CD46: variants seen among roughly 807,000 people sequenced by gnomAD.
CD46 encodes the protein membrane cofactor protein.
A neutral mutation model predicts 53.3 loss-of-function variants in CD46; 30 were observed. The observed-to-expected ratio is 0.56, with a 90% CI of 0.42 to 0.76. CD46 has a LOEUF of 0.76. CD46 is among the 30% of genes least tolerant of loss of function. CD46 has a pLI of 0.00. For missense variants in CD46, 409 were observed against 463.0 expected (o/e 0.88, Z 1.07); for synonymous variants, 142 against 152.0 (o/e 0.93, Z 0.48).
chr1:207,777,329 A>T (rs564550671), intron 8 of CD46, among the ~76,000 whole-genome samples: 132 of 152,316 alleles, frequency 8.7e-4, no homozygotes, highest in Admixed American at 2.4e-3. Flanking sequence ...GTACATCAAC[A>T]TCTTTTTTTA....
At chr1:207,759,892 A>AATAATTATT in intron 4 of CD46, 168 bp downstream of exon 4, 1 of 567,710 alleles carries the variant, frequency 1.8e-6, no homozygotes, top group Non-Finnish European at 3.2e-6. Flanking sequence ...GAGGTTTTTA[A>AATAATTATT]ATAATTATTG....
At chr1:207,773,114 G>T (rs1157140723) in intron 8 of CD46, among the ~76,000 whole-genome samples, 1 of 152,066 alleles carries the variant, frequency 6.6e-6, no homozygotes, top group African/African-American at 2.4e-5. Flanking sequence ...AACCTTTCCT[G>T]GTTTAGTCTT....
chr1:207,754,219 G>A (rs148816922), intron 1 of CD46, among the ~76,000 whole-genome samples: 84 of 152,280 alleles, frequency 5.5e-4, no homozygotes, highest in African/African-American at 2.0e-3. Context: ...TGGAGAGAGG[G>A]AAGGCTTCTC....
chr1:207,778,084 T>C lies in CD46; in HGVS notation c.944-5208T>C, dbSNP rs574197425. 5.9e-5 allele frequency among the ~76,000 whole-genome samples: 9 copies of C among 152,326 alleles called. No individual in the cohort carries two copies. In the South Asian group the frequency reaches 1.7e-3, roughly 28 times the overall value. On this transcript the variant is annotated intron_variant, in intron 8 of 12. Transcript: ENST00000367042. ...TGTATGTTTTTTGGCCACATATATG[T>C]CTTCTTTTGAAAAGTGTCTGTTCAC...
In CD46 at chr1:207,789,754, C is replaced by T. The variant is rs41317995; in HGVS notation, c.1083-499C>T. On this transcript the variant is annotated intron_variant, in intron 11 of 12. Coordinates refer to ENST00000367042, the MANE Select transcript of CD46 (RefSeq NM_172351.3). ...TCCCTCAAAATTGAGGGTGTTAGGC[C>T]GGGTTTGGTGGCTCACGCCTGTAAT... is the stretch of plus-strand genomic sequence containing the variant. 2.3e-3 allele frequency among the ~76,000 whole-genome samples: 341 copies of T among 149,966 alleles called. 3 individuals carry two copies. Among genetic ancestry groups the T allele is most frequent in the African/African-American group, 7.7e-3 (315 of 40,742 alleles).
At chr1:207,775,627 A>AG (rs757074191) in intron 8 of CD46, among the ~76,000 whole-genome samples, 13 of 152,126 alleles carry the variant, frequency 8.5e-5, no homozygotes, top group Non-Finnish European at 1.8e-4. Context: ...CCTCAGCTGC[A>AG]GGTGTGTTGG....
chr1:207,782,697 G>C (rs959500356), intron 8 of CD46, among the ~76,000 whole-genome samples: 56 of 135,178 alleles, frequency 4.1e-4, no homozygotes, highest in Non-Finnish European at 7.2e-4. Context: ...TGCCAGACTG[G>C]AGTGCAGTGG....
intron 12 of CD46, among the ~76,000 whole-genome samples, chr1:207,792,351 T>A (rs1470461895): frequency 6.6e-6 from 1 of 152,180 alleles, no homozygotes; most frequent in Non-Finnish European, 1.5e-5. Flanking sequence ...GCCAAACCAT[T>A]AAGTCTGTCA....
At chr1:207,772,247 A>G (rs1657594497) in intron 8 of CD46, among the ~76,000 whole-genome samples, 1 of 152,108 alleles carries the variant, frequency 6.6e-6, no homozygotes, top group South Asian at 2.1e-4. Context: ...TTGCACATTG[A>G]TTTTGTATCC....
chr1:207,777,035 T>C (rs1414849180), intron 8 of CD46, among the ~76,000 whole-genome samples: 1 of 152,166 alleles, frequency 6.6e-6, no homozygotes, highest in Non-Finnish European at 1.5e-5. Flanking sequence ...TTCTAAAATA[T>C]TTTTCTTAGT....
Position 207,759,721 on chromosome 1 carries a change from G to A in CD46, c.472G>A (p.Glu158Lys). 1 of 1,590,992 alleles carries A rather than the reference G, an allele frequency of 6.3e-7. No homozygotes were observed. Residue 158 changes from glutamate (E) to lysine (K), a missense_variant, in exon 4 of 13, where the codon GAA becomes AAA. Physicochemically the swap from Glu to Lys is moderately conservative, Grantham distance 56. Coordinates refer to ENST00000367042, the MANE Select transcript of CD46 (RefSeq NM_172351.3). ...AIWSGKPPIC[E>K]KVLCTPPPKI... ...TTGGAGCGGTAAGCCCCCAATATGT[G>A]AAAGTAAGTAAATTCTTTTTTTTTA...
rs7144 is a variant in CD46, at chr1:207,794,374, T to C, written c.*897T>C. On this transcript the variant is annotated 3_prime_UTR_variant, in exon 13 of 13. Transcript: ENST00000367042. ...TGCGAAGTGAACACTGTAGTCTTGT[T>C]GTTTTCCCAAAGAGAACTCCGTATG... 0.4 allele frequency: 60,576 copies of C among 152,018 alleles called. 12,400 individuals carry two copies. Among genetic ancestry groups the C allele is most frequent in the Admixed American group, 0.49 (7,438 of 15,276 alleles). The allele number at this position is 152,018 out of a possible 1,614,324, so 9.4% of individuals were successfully genotyped here. A position where few individuals can be genotyped will look rare whatever the true frequency, so the allele number is the denominator to read the frequency against.
chr1:207,788,409 TC>T (rs1353429866), intron 11 of CD46, among the ~76,000 whole-genome samples: 1 of 148,966 alleles, frequency 6.7e-6, no homozygotes, highest in African/African-American at 2.5e-5. Flanking sequence ...TCCCAGCTAC[TC>T]TGGGAGGCTG....
intron 1 of CD46, among the ~76,000 whole-genome samples, chr1:207,753,505 A>T (rs1655155332): frequency 6.6e-6 from 1 of 152,284 alleles, no homozygotes; most frequent in African/African-American, 2.4e-5. Flanking sequence ...CCTTGTCTCT[A>T]CAAAAAAATA....
At chr1:207,792,507 C>G (rs41318007) in intron 12 of CD46, among the ~76,000 whole-genome samples, 1,592 of 152,242 alleles carry the variant, frequency 0.01, 16 homozygotes, top group Middle Eastern at 0.027. Flanking sequence ...CAGACCCTGG[C>G]GATGACCTTG....
chr1:207,794,834 ACT>A lies in CD46; in HGVS notation c.*1358_*1359del, dbSNP rs1491416223. The A allele has an allele frequency of 6.6e-6, 1 of 152,214 alleles. No homozygotes were observed. Among genetic ancestry groups the A allele is most frequent in the Non-Finnish European group, 1.5e-5 (1 of 68,028 alleles). The allele number at this position is 152,214 out of a possible 1,614,324, so 9.4% of individuals were successfully genotyped here. Reference sequence around the variant, plus strand: ...GGACTGCCACTGCATTTCATATCACACTGTTAAAAGTTGTGTTTTGAAATTTT... The same window carrying A: ...GGACTGCCACTGCATTTCATATCACAGTTAAAAGTTGTGTTTTGAAATTTT... On this transcript the variant is annotated 3_prime_UTR_variant, in exon 13 of 13. Transcript: ENST00000367042.
At chr1:207,774,210 T>C (rs1364088648) in intron 8 of CD46, among the ~76,000 whole-genome samples, 5 of 89,500 alleles carry the variant, frequency 5.6e-5, no homozygotes, top group Non-Finnish European at 1.7e-4. Context: ...TGCAACCCCT[T>C]TTTTTTTTGC....
At chr1:207,761,588 C>A in intron 5 of CD46, 142 bp downstream of exon 5, 1 of 697,590 alleles carries the variant, frequency 1.4e-6, no homozygotes, top group Non-Finnish European at 2.5e-6. Flanking sequence ...TAATTCAGGT[C>A]AATTCAAGTC....
chr1:207,791,703 A>G (rs1485810719), intron 12 of CD46, among the ~76,000 whole-genome samples: 2 of 152,240 alleles, frequency 1.3e-5, no homozygotes, highest in Admixed American at 6.5e-5. Context: ...GAAGCCTACT[A>G]TATCTTCTTA....
Sources: gnomAD v4.1 joint callset for allele counts (sites outside exome capture counted in the v4.1 genomes callset) on GRCh38, gnomAD v4.1.1 for gene constraint, MANE v1.5 for transcripts, NCBI Gene and HGNC (gene_info 2026-07-23, HGNC 2026-07-21) for gene names.